MIPOL1: variants seen among roughly 807,000 people sequenced by gnomAD.
The protein encoded by MIPOL1 is mirror-image polydactyly 1, also known as mirror-image polydactyly gene 1 protein.
A neutral mutation model predicts 60.9 loss-of-function variants in MIPOL1; 57 were observed. The ratio of observed to expected loss-of-function variants is 0.94; its 90% CI spans 0.76 to 1.17. MIPOL1 has a LOEUF of 1.17. MIPOL1 is among the 50% of genes most tolerant of loss of function. The probability of loss-of-function intolerance (pLI) is 0.00; values close to 1 mark genes in which losing one functional copy is unlikely to be tolerated. For missense variants in MIPOL1, 551 were observed against 511.6 expected (o/e 1.08, Z -0.74); for synonymous variants, 179 against 168.8 (o/e 1.06, Z -0.47).
chr14:37,510,750 G>T (rs1290732203), intron 12 of MIPOL1, among the ~76,000 whole-genome samples: 2 of 152,070 alleles, frequency 1.3e-5, no homozygotes, highest in South Asian at 4.1e-4. Context: ...GTAAAAGCAG[G>T]TCAAGTTAGA....
chr14:37,291,151 G>A (rs2085022717), intron 7 of MIPOL1, among the ~76,000 whole-genome samples: 1 of 151,976 alleles, frequency 6.6e-6, no homozygotes, highest in Admixed American at 6.6e-5. Flanking sequence ...GGTCTCAAAC[G>A]CCTGGCTTCA....
chr14:37,225,281 T>A (rs966889366), intron 1 of MIPOL1, among the ~76,000 whole-genome samples: 15 of 152,264 alleles, frequency 9.9e-5, no homozygotes, highest in South Asian at 2.1e-4. Context: ...CAGTAGGAAC[T>A]TTGTGTGGGG....
chr14:37,211,199 C>G (rs944484906), intron 1 of MIPOL1, among the ~76,000 whole-genome samples: 1 of 148,836 alleles, frequency 6.7e-6, no homozygotes, highest in Admixed American at 6.7e-5. Flanking sequence ...CCCCCACCCC[C>G]CAGACAAGGA....
In MIPOL1 at chr14:37,248,310, A is replaced by G. The variant is rs558381766; in HGVS notation, c.19+403A>G. ...GAAGGAGATCCTCAGAGAAAGAGAC[A>G]CAGGAAGGAAGATACTTGAAGAGGG... is the stretch of plus-strand genomic sequence containing the variant. On this transcript the variant is annotated intron_variant, in intron 3 of 12. Transcript: ENST00000684589. Among the ~76,000 whole-genome samples the G allele has an allele frequency of 3.3e-5, 5 of 152,132 alleles. No homozygotes were observed. In the East Asian group the frequency reaches 7.8e-4, roughly 24 times the overall value.
intron 12 of MIPOL1, among the ~76,000 whole-genome samples, chr14:37,542,567 C>A (rs2095533833): frequency 6.6e-6 from 1 of 152,130 alleles, no homozygotes; most frequent in Non-Finnish European, 1.5e-5. Flanking sequence ...GAATGCACAA[C>A]CATGCCCTGT....
chr14:37,314,978 T>C (rs761997233), intron 9 of MIPOL1, among the ~76,000 whole-genome samples: 1 of 152,172 alleles, frequency 6.6e-6, no homozygotes, highest in Non-Finnish European at 1.5e-5. Flanking sequence ...TTCTTACTCA[T>C]ATGGAACTTA....
At chr14:37,351,158 G>A (rs910949697) in intron 9 of MIPOL1, among the ~76,000 whole-genome samples, 49 of 144,682 alleles carry the variant, frequency 3.4e-4, no homozygotes, top group Non-Finnish European at 6.5e-4. Flanking sequence ...AATATGCGGT[G>A]TTTGGTTTTT....
chr14:37,459,195 G>GA (rs1167554522), intron 11 of MIPOL1, among the ~76,000 whole-genome samples: 2 of 150,800 alleles, frequency 1.3e-5, no homozygotes, highest in Admixed American at 1.3e-4. Context: ...ACACTGAGAT[G>GA]AAAAAAATGA....
intron 9 of MIPOL1, among the ~76,000 whole-genome samples, chr14:37,366,096 T>G (rs1182193111): frequency 6.6e-6 from 1 of 152,032 alleles, no homozygotes; most frequent in East Asian, 1.9e-4. Context: ...TTTTCTCTCC[T>G]TTTTTCTTAG....
chr14:37,387,160 A>G (rs2093095400), intron 10 of MIPOL1, among the ~76,000 whole-genome samples: 1 of 151,964 alleles, frequency 6.6e-6, no homozygotes, highest in Admixed American at 6.6e-5. Context: ...TGTATTACCT[A>G]GAAGATAATG....
intron 9 of MIPOL1, among the ~76,000 whole-genome samples, chr14:37,339,196 T>G (rs1026410549): frequency 1.3e-5 from 2 of 152,200 alleles, no homozygotes; most frequent in African/African-American, 2.4e-5. Context: ...AATCATCCAA[T>G]GACAACCTGA....
chr14:37,351,536 G>T lies in MIPOL1; in HGVS notation c.829-17981G>T, dbSNP rs1453605067. Among the ~76,000 whole-genome samples the T allele has an allele frequency of 3.3e-5, 5 of 150,474 alleles. No homozygotes were observed. The East Asian group carries it at 9.9e-4, about 30-fold the overall frequency. The stretch of plus-strand genomic sequence containing the variant: ...TTACAGTCCCACCAACAGTGTAAAA[G>T]CGTTCCTATTTCTCCACATCCTCTC... On this transcript the variant is annotated intron_variant, in intron 9 of 12. Coordinates refer to ENST00000684589, the MANE Select transcript of MIPOL1 (RefSeq NM_001388067.1).
chr14:37,524,565 C>CA (rs2095434499), intron 12 of MIPOL1, among the ~76,000 whole-genome samples: 1 of 124,848 alleles, frequency 8.0e-6, no homozygotes, highest in African/African-American at 3.1e-5. Context: ...TTTTCTTTTT[C>CA]TTTTCTTTTT....
At chr14:37,320,885 G>T (rs1447574771) in intron 9 of MIPOL1, among the ~76,000 whole-genome samples, 2 of 152,038 alleles carry the variant, frequency 1.3e-5, no homozygotes, top group African/African-American at 4.8e-5. Flanking sequence ...AATTGCAGTA[G>T]AGCCCATGTA....
At position 37,322,304 on chromosome 14, in the gene MIPOL1, A is replaced by G. The variant is rs146083835; in HGVS notation, c.828+13785A>G. On this transcript the variant is annotated intron_variant, in intron 9 of 12. Coordinates refer to ENST00000684589, the MANE Select transcript of MIPOL1 (RefSeq NM_001388067.1). ...CACGATCAAGATGCAGAACATTACT[A>G]CAGTGTTACCCCAGAGTTTCCTCAT... is the stretch of plus-strand genomic sequence containing the variant. 5.1e-3 allele frequency among the ~76,000 whole-genome samples: 783 copies of G among 152,086 alleles called. 7 individuals are homozygous for G. Among genetic ancestry groups the G allele is most frequent in the African/African-American group, 0.017 (719 of 41,556 alleles).
chr14:37,421,926 T>C (rs147422758), intron 10 of MIPOL1, among the ~76,000 whole-genome samples: 1 of 152,042 alleles, frequency 6.6e-6, no homozygotes, highest in African/African-American at 2.4e-5. Flanking sequence ...TTTTTAATTG[T>C]TGGTGGTGTC....
At chr14:37,484,447 C>T (rs1368898582) in intron 11 of MIPOL1, among the ~76,000 whole-genome samples, 1 of 149,988 alleles carries the variant, frequency 6.7e-6, no homozygotes, top group African/African-American at 2.5e-5. Context: ...AAGCAATTCT[C>T]CTGACTCAGT....
intron 10 of MIPOL1, among the ~76,000 whole-genome samples, chr14:37,409,741 G>A (rs182462096): frequency 8.7e-4 from 133 of 152,248 alleles, no homozygotes; most frequent in East Asian, 3.5e-3. Flanking sequence ...AGCCGAGATC[G>A]CATTACTGCA....
intron 10 of MIPOL1, among the ~76,000 whole-genome samples, chr14:37,407,091 T>A (rs1210435746): frequency 6.6e-6 from 1 of 152,164 alleles, no homozygotes; most frequent in African/African-American, 2.4e-5. Context: ...GCAAAAGGCT[T>A]AAGTAAATTA....
Sources: gnomAD v4.1 joint callset for allele counts (sites outside exome capture counted in the v4.1 genomes callset) on GRCh38, gnomAD v4.1.1 for gene constraint, MANE v1.5 for transcripts, NCBI Gene and HGNC (gene_info 2026-07-23, HGNC 2026-07-21) for gene names.